The following HDAC4 variants were observed in gnomAD, a reference collection of about 807,000 sequenced individuals.
HDAC4 encodes histone deacetylase 4, also known as histone deacetylase A.
Under a neutral mutation model 135.1 loss-of-function variants are expected in HDAC4, and 16 were observed. The observed-to-expected ratio is 0.12, with a 90% CI of 0.08 to 0.18. The LOEUF is 0.18. Among genes scored for constraint, HDAC4 ranks in the 10% least tolerant of loss-of-function variants. The pLI, the probability that HDAC4 is intolerant of heterozygous loss-of-function variation, is 1.00. For missense variants in HDAC4, 1,143 were observed against 1,511.8 expected (o/e 0.76, Z 4.05); for synonymous variants, 685 against 653.4 (o/e 1.05, Z -0.74).
At chr2:239,064,570 A>G (rs149518514) in intron 24 of HDAC4, among the ~76,000 whole-genome samples, 3 of 152,190 alleles carry the variant, frequency 2.0e-5, no homozygotes, top group African/African-American at 2.4e-5. Flanking sequence ...ACTGCTCACA[A>G]TAAGACCCTG....
intron 2 of HDAC4, among the ~76,000 whole-genome samples, chr2:239,311,657 C>A (rs1409289459): frequency 6.6e-6 from 1 of 152,176 alleles, no homozygotes; most frequent in Non-Finnish European, 1.5e-5. Flanking sequence ...CAAAACCACA[C>A]ACAGGGGACT....
At chr2:239,137,923 G>A (rs891646830) in intron 9 of HDAC4, among the ~76,000 whole-genome samples, 1 of 152,102 alleles carries the variant, frequency 6.6e-6, no homozygotes, top group Non-Finnish European at 1.5e-5. Context: ...CTTCATTTAC[G>A]TATCGTGATT....
In HDAC4 at chr2:239,189,824, G is replaced by A. The variant is rs749630977; in HGVS notation, c.339+9C>T. 1.9e-5 allele frequency: 30 copies of A among 1,602,344 alleles called. No homozygotes were observed. The South Asian group carries it at 2.2e-4, about 12-fold the overall frequency. ...CCTGGCCCACCCGCAGCCCCGCACC[G>A]CGCCTCACCTTGATGTGCTCGTGGA... is the stretch of plus-strand genomic sequence containing the variant. On this transcript the variant is annotated intron_variant, in intron 4 of 26. Coordinates refer to ENST00000543185, the MANE Select transcript of HDAC4 (RefSeq NM_001378414.1).
intron 2 of HDAC4, among the ~76,000 whole-genome samples, chr2:239,273,670 C>T (rs1159123711): frequency 6.6e-6 from 1 of 152,116 alleles, no homozygotes; most frequent in Non-Finnish European, 1.5e-5. Flanking sequence ...CGCCAGGTCA[C>T]CAGAAAGAGA....
chr2:239,296,346 G>A (rs894739849), intron 2 of HDAC4, among the ~76,000 whole-genome samples: 12 of 152,266 alleles, frequency 7.9e-5, no homozygotes, highest in Non-Finnish European at 1.8e-4. Context: ...CAGGGTCTCT[G>A]CAGACAGTGG....
chr2:239,120,468 G>A (rs2039573389), intron 12 of HDAC4, among the ~76,000 whole-genome samples: 2 of 151,636 alleles, frequency 1.3e-5, no homozygotes, highest in East Asian at 3.9e-4. Flanking sequence ...TACACATGAA[G>A]AGACAGATAC....
intron 3 of HDAC4, among the ~76,000 whole-genome samples, chr2:239,198,641 T>C (rs1238365051): frequency 6.6e-6 from 1 of 152,192 alleles, no homozygotes; most frequent in East Asian, 1.9e-4. Context: ...TCCTCGTGGT[T>C]GGCTGAGATC....
At chr2:239,388,259 G>C (rs1311654027) in intron 1 of HDAC4, among the ~76,000 whole-genome samples, 1 of 152,228 alleles carries the variant, frequency 6.6e-6, no homozygotes, top group African/African-American at 2.4e-5. Context: ...CCGGATGAGG[G>C]AGGTGGCAAA....
chr2:239,063,891 T>G (rs546754409), intron 24 of HDAC4, among the ~76,000 whole-genome samples: 1 of 152,242 alleles, frequency 6.6e-6, no homozygotes, highest in African/African-American at 2.4e-5. Flanking sequence ...CAAGGCCCCA[T>G]GGGCCCCATG....
At chr2:239,156,908 G>A (rs946067864) in intron 6 of HDAC4, 135 bp from the exon 7 acceptor site, 1 of 1,002,672 alleles carries the variant, frequency 1.0e-6, no homozygotes, top group African/African-American at 1.6e-5. Flanking sequence ...CTTTTCCCTA[G>A]GGTCAAGCTG....
rs763265853 is a variant in HDAC4, at chr2:239,176,465, C to G, written c.438G>C (p.Gln146His). Residue 146 changes from glutamine to histidine, a missense_variant, in exon 5 of 27, where the codon CAG (glutamine) becomes CAC (histidine). Around this residue, in one of 9 missense-constraint regions of HDAC4, gnomAD observed 247 missense variants for 310.0 expected, o/e 0.80. Coordinates refer to ENST00000543185, the MANE Select transcript of HDAC4 (RefSeq NM_001378414.1). ...GCTGCTGCAGCTTCTGCTCCCGGTG[C>G]TGCTTCTCCAGCTCCTGCTCCTGGC... Reference protein sequence around the residue: ...RHRQEQELEKQHREQKLQQLK... With the variant: ...RHRQEQELEKHHREQKLQQLK... 18 of 1,613,440 alleles carry G rather than the reference C, an allele frequency of 1.1e-5. No homozygotes were observed. The highest frequency in any genetic ancestry group is 5.1e-6 in the Non-Finnish European group (6 of 1,179,792).
chr2:239,152,545 G>C (rs1000363408), intron 7 of HDAC4, among the ~76,000 whole-genome samples: 3 of 152,264 alleles, frequency 2.0e-5, no homozygotes, highest in African/African-American at 7.2e-5. Flanking sequence ...GCCCTGGGTA[G>C]AGGTCTCTGA....
rs1259490565 is a variant in HDAC4, at chr2:239,307,154, G to A, written c.22+45524C>T. Among the ~76,000 whole-genome samples, 11 of 152,068 alleles carry A rather than the reference G, an allele frequency of 7.2e-5. No homozygotes were observed. The highest frequency in any genetic ancestry group is 7.2e-4 in the Admixed American group (11 of 15,278). On this transcript the variant is annotated intron_variant, in intron 2 of 26. Coordinates refer to ENST00000543185, the MANE Select transcript of HDAC4 (RefSeq NM_001378414.1). The surrounding 1 kb of genome is among the most constrained non-coding windows in gnomAD (Gnocchi z 4.8). ...GCCGTCCATCCTGGGTGCCCACGAGGGGTCTGGAAACCCTGACAGGGAGGG... is the reference window on the plus strand; with the variant it reads ...GCCGTCCATCCTGGGTGCCCACGAGAGGTCTGGAAACCCTGACAGGGAGGG...
chr2:239,068,450 A>G lies in HDAC4; in HGVS notation c.2869+39T>C. The G allele has an allele frequency of 7.1e-7, 1 of 1,414,684 alleles. No individual in the cohort carries two copies. Among genetic ancestry groups the G allele is most frequent in the South Asian group, 1.1e-5 (1 of 87,236 alleles). 87.6% of individuals were successfully genotyped at this position (1,414,684 alleles called of 1,614,324 possible). On this transcript the variant is annotated intron_variant, in intron 23 of 26. Transcript: ENST00000543185. The surrounding 1 kb of genome is among the most constrained non-coding windows in gnomAD (Gnocchi z 4.4). The stretch of plus-strand genomic sequence containing the variant: ...CGGAACACAGCGGATCATGGACATG[A>G]GCAGAACCGGCTCCTCAGTCATATG...
intron 19 of HDAC4, among the ~76,000 whole-genome samples, chr2:239,085,186 C>T (rs147191940): frequency 1.3e-5 from 2 of 152,254 alleles, no homozygotes; most frequent in Non-Finnish European, 2.9e-5. Context: ...TGCCGCCACG[C>T]CCCAGGAGAC....
chr2:239,096,032 C>T (rs1438351958), intron 16 of HDAC4, among the ~76,000 whole-genome samples: 1 of 152,128 alleles, frequency 6.6e-6, no homozygotes, highest in Non-Finnish European at 1.5e-5. Flanking sequence ...CTGTGGGGCT[C>T]CTCTCCCATT....
chr2:239,380,003 C>T (rs902516774), intron 1 of HDAC4, among the ~76,000 whole-genome samples: 1 of 152,226 alleles, frequency 6.6e-6, no homozygotes. Context: ...TGTGGCCAGC[C>T]TGCCATCCAG....
intron 2 of HDAC4, among the ~76,000 whole-genome samples, chr2:239,281,686 C>T (rs376099009): frequency 6.0e-5 from 9 of 150,502 alleles, no homozygotes; most frequent in East Asian, 5.9e-4. Flanking sequence ...GCAATGTACA[C>T]ACTACTCTAC....
At chr2:239,156,927 T>C (rs563331237) in intron 6 of HDAC4, among the ~76,000 whole-genome samples, 154 bp from the exon 7 acceptor site, 89 of 152,296 alleles carry the variant, frequency 5.8e-4, no homozygotes, top group Non-Finnish European at 1.2e-3. Flanking sequence ...TGAAATTAAA[T>C]GGAAACAAAC....
Sources: allele counts gnomAD v4.1 joint callset (sites outside exome capture counted in the v4.1 genomes callset), GRCh38; gene constraint gnomAD v4.1.1; regional missense constraint gnomAD v4.1.1; non-coding constraint Gnocchi (gnomAD v3.1); transcripts MANE v1.5; gene names NCBI Gene and HGNC (gene_info 2026-07-23, HGNC 2026-07-21).